Variants in SSBP2 observed in about 807,000 individuals in gnomAD.
SSBP2 encodes single stranded DNA binding protein 2, also known as single-stranded DNA-binding protein 2.
SSBP2 carries 17 observed loss-of-function variants against 61.8 expected under a neutral mutation model. That is an observed-to-expected ratio of 0.28 (90% CI 0.19 to 0.41). SSBP2 has a LOEUF of 0.41. Among genes scored for constraint, SSBP2 ranks in the 10% least tolerant of loss-of-function variants. SSBP2 has a pLI of 1.00. For missense variants in SSBP2, 310 were observed against 458.7 expected, an observed-to-expected ratio of 0.68 and a Z score of 2.96; for synonymous variants, 139 against 141.3, an observed-to-expected ratio of 0.98 and a Z score of 0.12.
chr5:81,499,105 T>C lies in SSBP2; in HGVS notation c.373-9796A>G, dbSNP rs146956301. On this transcript the variant is annotated intron_variant, in intron 5 of 16. Coordinates refer to ENST00000320672, the MANE Select transcript of SSBP2 (RefSeq NM_012446.5). The stretch of plus-strand genomic sequence containing the variant: ...AACACATTTTAATTCCAACTAGTAC[T>C]AAACTAATTTAGATCACAAGATGAC... Among the ~76,000 whole-genome samples the C allele has an allele frequency of 4.6e-5, 7 of 152,330 alleles. No individual in the cohort carries two copies. The East Asian group carries it at 1.3e-3, about 29-fold the overall frequency.
chr5:81,679,547 A>G (rs551507175), intron 1 of SSBP2, among the ~76,000 whole-genome samples: 25 of 152,212 alleles, frequency 1.6e-4, no homozygotes, highest in African/African-American at 5.1e-4. Flanking sequence ...ATAAAAATGT[A>G]TATTTCAAAC....
chr5:81,545,682 G>A (rs1771677636), intron 4 of SSBP2, among the ~76,000 whole-genome samples: 1 of 152,072 alleles, frequency 6.6e-6, no homozygotes, highest in Admixed American at 6.6e-5. Context: ...GTGCTTTCAG[G>A]GGCGTAGCAG....
intron 4 of SSBP2, among the ~76,000 whole-genome samples, chr5:81,564,847 C>T (rs1561544915): frequency 6.6e-6 from 1 of 152,198 alleles, no homozygotes; most frequent in Non-Finnish European, 1.5e-5. Context: ...CATCACCTTA[C>T]CAGATCTTTT....
intron 2 of SSBP2, among the ~76,000 whole-genome samples, chr5:81,641,013 CTG>C (rs938790596): frequency 2.0e-5 from 3 of 152,102 alleles, no homozygotes; most frequent in African/African-American, 7.2e-5. Context: ...CATAATATGA[CTG>C]TGAAATAAAT....
chr5:81,669,809 A>T (rs1401029594), intron 1 of SSBP2, among the ~76,000 whole-genome samples: 1 of 152,082 alleles, frequency 6.6e-6, no homozygotes, highest in Non-Finnish European at 1.5e-5. Context: ...AGAAAAAAAG[A>T]AGGCAGAAAA....
intron 4 of SSBP2, among the ~76,000 whole-genome samples, chr5:81,596,781 G>A (rs1180331756): frequency 1.5e-5 from 2 of 132,170 alleles, no homozygotes; most frequent in Admixed American, 1.6e-4. Flanking sequence ...AAACTGGCTA[G>A]CCACATGTGG....
At chr5:81,583,704 A>G (rs919106291) in intron 4 of SSBP2, among the ~76,000 whole-genome samples, 1 of 152,020 alleles carries the variant, frequency 6.6e-6, no homozygotes, top group Non-Finnish European at 1.5e-5. Flanking sequence ...TTGACCCACT[A>G]GCTGCTCAAC....
intron 4 of SSBP2, among the ~76,000 whole-genome samples, chr5:81,587,747 GCA>G (rs952367728): frequency 5.5e-5 from 7 of 128,326 alleles, no homozygotes; most frequent in South Asian, 2.6e-4. Flanking sequence ...ACACACACAC[GCA>G]CACACACGCG....
chr5:81,560,772 T>C (rs759248276), intron 4 of SSBP2, among the ~76,000 whole-genome samples: 5 of 152,212 alleles, frequency 3.3e-5, no homozygotes, highest in Non-Finnish European at 4.4e-5. Flanking sequence ...ACAATAAACA[T>C]TGTATATATT....
chr5:81,700,386 G>A (rs1753901776), intron 1 of SSBP2, among the ~76,000 whole-genome samples: 1 of 152,198 alleles, frequency 6.6e-6, no homozygotes, highest in Non-Finnish European at 1.5e-5. Context: ...ATAAATAGAT[G>A]TACTGTCTTC....
chr5:81,510,568 C>G (rs1366988283), intron 5 of SSBP2, among the ~76,000 whole-genome samples: 1 of 152,104 alleles, frequency 6.6e-6, no homozygotes, highest in African/African-American at 2.4e-5. Context: ...CAAGACCAGT[C>G]TGACCAACAG....
intron 1 of SSBP2, among the ~76,000 whole-genome samples, chr5:81,656,713 C>A: frequency 6.9e-6 from 1 of 145,158 alleles, no homozygotes; most frequent in African/African-American, 2.5e-5. Flanking sequence ...TACACATGGC[C>A]TGTAAGTAAC....
At chr5:81,448,985 GAAT>G (rs1358940117) in intron 10 of SSBP2, among the ~76,000 whole-genome samples, 160 bp from the exon 11 acceptor site, 3 of 152,108 alleles carry the variant, frequency 2.0e-5, no homozygotes, top group Admixed American at 1.3e-4. Context: ...CTGGAAAACT[GAAT>G]AATAATAACT....
In SSBP2 at chr5:81,472,370, T is replaced by C. The variant is rs528177776; in HGVS notation, c.570+1330A>G. On this transcript the variant is annotated intron_variant, in intron 8 of 16. Transcript: ENST00000320672. ...GAGGTTCAACCTCAGTGTATACTTC[T>C]GGGAAATTTTATAGAGAAGTCAGCT... Among the ~76,000 whole-genome samples, 13 of 152,304 alleles carry C rather than the reference T, an allele frequency of 8.5e-5. No homozygotes were observed. The South Asian group carries it at 2.5e-3, about 29-fold the overall frequency.
At chr5:81,730,343 G>C (rs1756176788) in intron 1 of SSBP2, among the ~76,000 whole-genome samples, 1 of 152,110 alleles carries the variant, frequency 6.6e-6, no homozygotes, top group Non-Finnish European at 1.5e-5. Context: ...TCCTGCCTCA[G>C]CCTCCCAAGT....
intron 2 of SSBP2, among the ~76,000 whole-genome samples, chr5:81,639,261 T>A (rs761748500): frequency 6.6e-6 from 1 of 152,196 alleles, no homozygotes; most frequent in Non-Finnish European, 1.5e-5. Flanking sequence ...TTTCTAATTG[T>A]TTACATTTCA....
chr5:81,740,548 C>G (rs370709935), intron 1 of SSBP2, among the ~76,000 whole-genome samples: 1 of 152,164 alleles, frequency 6.6e-6, no homozygotes, highest in East Asian at 1.9e-4. Flanking sequence ...CTGTATCACA[C>G]GGAGCTTCTC....
intron 4 of SSBP2, among the ~76,000 whole-genome samples, chr5:81,600,572 A>C (rs960175170): frequency 6.6e-6 from 1 of 151,040 alleles, no homozygotes; most frequent in Non-Finnish European, 1.5e-5. Context: ...AAAAAAAAAA[A>C]AAAAAAAACA....
chr5:81,506,439 T>G (rs1301543224), intron 5 of SSBP2, among the ~76,000 whole-genome samples: 2 of 152,166 alleles, frequency 1.3e-5, no homozygotes, highest in East Asian at 3.8e-4. Context: ...TTCAGTACCC[T>G]ACTCATTCAA....
Sources: gnomAD v4.1 joint callset for allele counts (sites outside exome capture counted in the v4.1 genomes callset) on GRCh38, gnomAD v4.1.1 for gene constraint, MANE v1.5 for transcripts, NCBI Gene and HGNC (gene_info 2026-07-23, HGNC 2026-07-21) for gene names.